TENT5D: variants seen among roughly 807,000 people sequenced by gnomAD.
TENT5D encodes the protein terminal nucleotidyltransferase 5D.
For missense variants in TENT5D, 191 were observed against 287.0 expected (o/e 0.67, Z 2.42); for synonymous variants, 103 against 100.6 (o/e 1.02, Z -0.15).
chrX:80,412,515 G>A (rs1931691869), intron 3 of TENT5D, among the ~76,000 whole-genome samples: 1 of 112,270 alleles, frequency 8.9e-6, no homozygotes, highest in African/African-American at 3.2e-5. Context: ...TTTTAAAATG[G>A]AATGCTTTTA....
chrX:80,369,643 A>C (rs751579521), intron 3 of TENT5D, among the ~76,000 whole-genome samples: 76 of 112,216 alleles, frequency 6.8e-4, no homozygotes, highest in African/African-American at 2.2e-3. Flanking sequence ...GCACTTGTTC[A>C]CTTCTATATT....
chrX:80,406,156 AG>A (rs756241486), intron 3 of TENT5D, among the ~76,000 whole-genome samples: 1 of 112,175 alleles, frequency 8.9e-6, no homozygotes, highest in East Asian at 2.8e-4. Flanking sequence ...GGGAGAAAAA[AG>A]AACAGAAAAA....
chrX:80,361,688 T>C (rs1055085564), intron 3 of TENT5D, among the ~76,000 whole-genome samples: 4 of 111,983 alleles, frequency 3.6e-5, no homozygotes, highest in Admixed American at 1.9e-4. Context: ...GACCTCAGTT[T>C]ATAGTGTTAT....
intron 3 of TENT5D, among the ~76,000 whole-genome samples, chrX:80,344,048 T>C (rs913890041): frequency 4.5e-5 from 5 of 110,881 alleles, no homozygotes; most frequent in Non-Finnish European, 9.4e-5. Flanking sequence ...GAACATGTGG[T>C]ATTTGGTTTT....
intron 3 of TENT5D, among the ~76,000 whole-genome samples, chrX:80,362,667 C>T (rs1930432879): frequency 9.0e-6 from 1 of 110,925 alleles, no homozygotes; most frequent in African/African-American, 3.3e-5. Flanking sequence ...TCCAATTTTT[C>T]CTAAAATTCC....
chrX:80,341,407 C>G (rs1929953820), intron 2 of TENT5D, among the ~76,000 whole-genome samples: 1 of 112,018 alleles, frequency 8.9e-6, no homozygotes, highest in South Asian at 3.7e-4. Context: ...TGATTGCCTA[C>G]TGTGTGCTCA....
exon 3 of TENT5D, chrX:80,443,262 C>G: frequency 8.3e-7 from 1 of 1,211,123 alleles, no homozygotes; most frequent in Non-Finnish European, 1.1e-6. Context: ...AGTACTGCAG[C>G]TTGCTGGTTC....
chrX:80,397,426 G>A (rs1293414628), intron 3 of TENT5D, among the ~76,000 whole-genome samples: 2 of 107,862 alleles, frequency 1.9e-5, no homozygotes, highest in African/African-American at 6.8e-5. Context: ...GCCGGGCAGA[G>A]ACGCTCCTCA....
chrX:80,376,217 A>AT (rs755040859), intron 3 of TENT5D, among the ~76,000 whole-genome samples: 2 of 111,520 alleles, frequency 1.8e-5, no homozygotes, highest in South Asian at 7.4e-4. Flanking sequence ...TAAATACTGA[A>AT]TTTTAAATCT....
At chrX:80,404,321 C>T (rs938892377) in intron 3 of TENT5D, among the ~76,000 whole-genome samples, 1 of 111,264 alleles carries the variant, frequency 9.0e-6, no homozygotes. Context: ...TAGCACAAGA[C>T]CAGTTAAATC....
chrX:80,407,916 A>G (rs1313432885), intron 3 of TENT5D, among the ~76,000 whole-genome samples: 2 of 110,767 alleles, frequency 1.8e-5, no homozygotes, highest in Non-Finnish European at 3.8e-5. Flanking sequence ...AGACCACAGT[A>G]CAATCAAACT....
At chrX:80,409,651 C>A (rs1931594977) in intron 3 of TENT5D, among the ~76,000 whole-genome samples, 1 of 111,325 alleles carries the variant, frequency 9.0e-6, no homozygotes. Flanking sequence ...GAATCAATAT[C>A]ATTAAAATGG....
intron 3 of TENT5D, among the ~76,000 whole-genome samples, chrX:80,370,469 T>C (rs1472580139): frequency 8.9e-6 from 1 of 112,107 alleles, no homozygotes; most frequent in Non-Finnish European, 1.9e-5. Context: ...TTCCCAATAG[T>C]TTTCTACTCA....
exon 3 of TENT5D, chrX:80,442,568 C>T: frequency 8.3e-7 from 1 of 1,206,417 alleles, no homozygotes; most frequent in South Asian, 1.8e-5. Flanking sequence ...ACCAATCTCA[C>T]TTGGGATCAA....
chrX:80,346,532 T>G (rs984473748), intron 3 of TENT5D, among the ~76,000 whole-genome samples: 1 of 112,236 alleles, frequency 8.9e-6, no homozygotes, highest in Admixed American at 9.5e-5. Context: ...TTAGATATTC[T>G]TATAGGTATG....
intron 3 of TENT5D, among the ~76,000 whole-genome samples, chrX:80,383,493 T>A (rs960153320): frequency 8.9e-6 from 1 of 112,316 alleles, no homozygotes; most frequent in African/African-American, 3.2e-5. Context: ...AAAGTACTGA[T>A]TTTTAAAAAA....
intron 3 of TENT5D, among the ~76,000 whole-genome samples, chrX:80,383,063 C>A (rs1466999250): frequency 1.8e-5 from 2 of 111,909 alleles, no homozygotes; most frequent in Non-Finnish European, 3.8e-5. Flanking sequence ...AGAAATCACC[C>A]ATCTTCTGCA....
At chrX:80,353,104 G>T (rs1206000244) in intron 3 of TENT5D, among the ~76,000 whole-genome samples, 2 of 112,244 alleles carry the variant, frequency 1.8e-5, no homozygotes, top group African/African-American at 3.2e-5. Flanking sequence ...GCTGCAGACT[G>T]GAGCTGTTCC....
chrX:80,375,373 G>T (rs1178144669), intron 3 of TENT5D, among the ~76,000 whole-genome samples: 1 of 111,078 alleles, frequency 9.0e-6, no homozygotes, highest in African/African-American at 3.3e-5. Context: ...TAGCTTGCTT[G>T]TAAATTCTTA....
Sources: allele counts gnomAD v4.1 joint callset (sites outside exome capture counted in the v4.1 genomes callset), GRCh38; gene constraint gnomAD v4.1.1; transcripts MANE v1.5; gene names NCBI Gene and HGNC (gene_info 2026-07-23, HGNC 2026-07-21).